SLCO3A1: variants seen among roughly 807,000 people sequenced by gnomAD.
SLCO3A1 encodes the protein PGE1 transporter.
SLCO3A1 carries 27 observed loss-of-function variants against 63.1 expected under a neutral mutation model. The ratio of observed to expected loss-of-function variants is 0.43; its 90% CI spans 0.32 to 0.59. SLCO3A1 has a LOEUF of 0.59. Among genes scored for constraint, SLCO3A1 ranks in the 20% least tolerant of loss-of-function variants. The pLI is 0.09. For missense variants in SLCO3A1, 773 were observed against 945.8 expected (o/e 0.82, Z 2.40); for synonymous variants, 473 against 409.9 (o/e 1.15, Z -1.86).
chr15:92,138,541 A>G lies in SLCO3A1; in HGVS notation c.1513-8443A>G, dbSNP rs1191121057. On this transcript the variant is annotated intron_variant, in intron 7 of 9. Transcript: ENST00000318445. ...TCATTGGTAGCTTGATGGGGATGGC[A>G]TTGAATCTATAAATTACCTTGGGCA... Among the ~76,000 whole-genome samples the G allele has an allele frequency of 3.7e-5, 4 of 109,322 alleles. No homozygotes were observed. In the East Asian group the frequency reaches 1.2e-3, roughly 32 times the overall value. The allele number at this position is 109,322 out of a possible 152,430, so 71.7% of individuals were successfully genotyped here.
intron 5 of SLCO3A1, among the ~76,000 whole-genome samples, chr15:92,125,491 T>C (rs2047910228): frequency 6.6e-6 from 1 of 152,136 alleles, no homozygotes; most frequent in African/African-American, 2.4e-5. Context: ...AACATATTGA[T>C]TGATGCCACT....
chr15:92,080,938 CTGTGTGTGTGTGTGTGTGTG>C (rs542459686), intron 2 of SLCO3A1, among the ~76,000 whole-genome samples: 65 of 128,974 alleles, frequency 5.0e-4, no homozygotes, highest in Non-Finnish European at 8.6e-4. Flanking sequence ...TACATAGTAG[CTGTGTGTGTGTGTGTGTGTG>C]TGTGTGTGTG....
rs114295929 is a variant in SLCO3A1, at chr15:91,951,908, C to T, written c.646+35450C>T. ...ATTTTTGATTCTCTTTTGTATATAC[C>T]GAGAATTGGAACTGCTGTGTCGTGT... On this transcript the variant is annotated intron_variant, in intron 2 of 9. Coordinates refer to ENST00000318445, the MANE Select transcript of SLCO3A1 (RefSeq NM_013272.4). 5.4e-3 allele frequency among the ~76,000 whole-genome samples: 820 copies of T among 152,126 alleles called. 6 individuals are homozygous for T. Among genetic ancestry groups the T allele is most frequent in the African/African-American group, 0.019 (796 of 41,480 alleles).
intron 2 of SLCO3A1, among the ~76,000 whole-genome samples, chr15:92,062,435 T>G (rs2151507360): frequency 6.6e-6 from 1 of 152,094 alleles, no homozygotes; most frequent in South Asian, 2.1e-4. Flanking sequence ...GTGGTCCATG[T>G]GGGAAGTGTG....
rs1900755380 is a variant in SLCO3A1, at chr15:91,968,846, C to T, written c.646+52388C>T. On this transcript the variant is annotated intron_variant, in intron 2 of 9. Transcript: ENST00000318445. This position sits in a 1 kb window ranked among gnomAD's most constrained non-coding sequence, Gnocchi z 4.2. ...TGTTTATTGGCGCCTTTTTGCTTGG[C>T]ACATTCTGGTTCCTCTGCATGGAGT... Among the ~76,000 whole-genome samples, 1 of 152,160 alleles carries T rather than the reference C, an allele frequency of 6.6e-6. No individual in the cohort carries two copies. Among genetic ancestry groups the T allele is most frequent in the Admixed American group, 6.5e-5 (1 of 15,280 alleles).
intron 2 of SLCO3A1, among the ~76,000 whole-genome samples, chr15:91,956,016 C>T (rs925802326): frequency 5.9e-5 from 9 of 152,012 alleles, no homozygotes; most frequent in African/African-American, 2.2e-4. Context: ...CATTCCAAGC[C>T]CAGGGCTGGG....
At chr15:91,904,646 A>G (rs1898249294) in intron 1 of SLCO3A1, among the ~76,000 whole-genome samples, 1 of 152,216 alleles carries the variant, frequency 6.6e-6, no homozygotes, top group African/African-American at 2.4e-5. Flanking sequence ...TGGCAGAGGC[A>G]GGTCGGGGAA....
intron 2 of SLCO3A1, among the ~76,000 whole-genome samples, chr15:92,073,512 C>G (rs1340488638): frequency 6.6e-6 from 1 of 152,176 alleles, no homozygotes. Context: ...TTCTTCAAGC[C>G]TATTCAATTC....
rs76635849 is a variant in SLCO3A1, at chr15:91,895,866, C to T, written c.181-20127C>T. On this transcript the variant is annotated intron_variant, in intron 1 of 9. Transcript: ENST00000318445. The stretch of plus-strand genomic sequence containing the variant: ...TTCTTCACTTCTAATAAATGCAAAT[C>T]TTCTCTTCAGAGCCCACACAGATTT... Among the ~76,000 whole-genome samples, 580 of 152,312 alleles carry T rather than the reference C, an allele frequency of 3.8e-3. 2 individuals are homozygous for T. Among genetic ancestry groups the T allele is most frequent in the African/African-American group, 0.013 (532 of 41,564 alleles).
intron 1 of SLCO3A1, among the ~76,000 whole-genome samples, chr15:91,861,804 T>G (rs1053157825): frequency 4.0e-5 from 6 of 151,834 alleles, no homozygotes; most frequent in Non-Finnish European, 8.8e-5. Flanking sequence ...TCTTATTTTT[T>G]TTTTTGGTAG....
intron 7 of SLCO3A1, among the ~76,000 whole-genome samples, chr15:92,143,645 T>C (rs2151584775): frequency 7.0e-6 from 1 of 143,460 alleles, no homozygotes; most frequent in Middle Eastern, 3.5e-3. Flanking sequence ...CAGAATTACC[T>C]CCTGGTTTTT....
In SLCO3A1 at chr15:91,916,630, T is replaced by G. The variant is rs73530621; in HGVS notation, c.646+172T>G. On this transcript the variant is annotated intron_variant, in intron 2 of 9. Coordinates refer to ENST00000318445, the MANE Select transcript of SLCO3A1 (RefSeq NM_013272.4). This position sits in a 1 kb window ranked among gnomAD's most constrained non-coding sequence, Gnocchi z 6.2. Reference sequence around the variant, plus strand: ...GGGTGCAACCTGGGCATTGAGACGTTTTTAAAAGTTCCCAGGTGATTCTTG... The same window carrying G: ...GGGTGCAACCTGGGCATTGAGACGTGTTTAAAAGTTCCCAGGTGATTCTTG... Among the ~76,000 whole-genome samples the G allele has an allele frequency of 8.9e-3, 1,360 of 152,278 alleles. 19 individuals carry two copies. The highest frequency in any genetic ancestry group is 0.031 in the African/African-American group (1,292 of 41,544).
chr15:92,062,103 C>A (rs539629323), intron 2 of SLCO3A1, among the ~76,000 whole-genome samples: 2 of 152,232 alleles, frequency 1.3e-5, no homozygotes, highest in African/African-American at 2.4e-5. Flanking sequence ...ACCCTGAACA[C>A]TGGGGAAATC....
intron 1 of SLCO3A1, among the ~76,000 whole-genome samples, chr15:91,884,476 C>T (rs996535706): frequency 1.4e-5 from 2 of 145,340 alleles, no homozygotes; most frequent in Admixed American, 7.0e-5. Flanking sequence ...CGCGTCACTG[C>T]GCTCCACCCT....
chr15:92,083,463 T>A (rs1278274166), intron 2 of SLCO3A1, among the ~76,000 whole-genome samples: 1 of 152,160 alleles, frequency 6.6e-6, no homozygotes, highest in Non-Finnish European at 1.5e-5. Flanking sequence ...GACTCCTGGG[T>A]ACAGTAGGTT....
At chr15:91,937,668 A>G (rs2151395710) in intron 2 of SLCO3A1, among the ~76,000 whole-genome samples, 1 of 151,594 alleles carries the variant, frequency 6.6e-6, no homozygotes, top group African/African-American at 2.4e-5. Flanking sequence ...GCAGTGAGCC[A>G]AGATCATGCT....
chr15:92,093,771 C>G (rs1257369441), intron 2 of SLCO3A1, among the ~76,000 whole-genome samples: 1 of 152,148 alleles, frequency 6.6e-6, no homozygotes, highest in East Asian at 1.9e-4. Context: ...ATTGGTTCCA[C>G]AATGACATCA....
At chr15:92,019,030 A>AGTGTGTGCGTCATTAACGAGGCAG (rs1488619453) in intron 2 of SLCO3A1, among the ~76,000 whole-genome samples, 1 of 151,852 alleles carries the variant, frequency 6.6e-6, no homozygotes, top group African/African-American at 2.4e-5. Flanking sequence ...CTTAACTAGG[A>AGTGTGTGCGTCATTAACGAGGCAG]GTGTGTGCGT....
At chr15:91,917,735 A>G (rs1004874957) in intron 2 of SLCO3A1, among the ~76,000 whole-genome samples, 5 of 152,164 alleles carry the variant, frequency 3.3e-5, no homozygotes, top group Non-Finnish European at 7.3e-5. Flanking sequence ...GAGGAAGGGA[A>G]ACTAAGGTAA....
Sources: gnomAD v4.1 joint callset for allele counts (sites outside exome capture counted in the v4.1 genomes callset) on GRCh38, gnomAD v4.1.1 for gene constraint, Gnocchi (gnomAD v3.1) non-coding constraint, MANE v1.5 for transcripts, NCBI Gene and HGNC (gene_info 2026-07-23, HGNC 2026-07-21) for gene names.